The following ADGRV1 variants were observed in gnomAD, a reference collection of about 807,000 sequenced individuals.
ADGRV1 encodes the protein G-protein coupled receptor 98.
A neutral mutation model predicts 596.2 loss-of-function variants in ADGRV1; 359 were observed. The observed-to-expected ratio is 0.60, with a 90% confidence interval of 0.55 to 0.66. The LOEUF (loss-of-function observed/expected upper bound fraction) is 0.66, where lower values mean the gene tolerates loss of function less well. Among genes scored for constraint, ADGRV1 ranks in the 30% least tolerant of loss-of-function variants. The pLI is 0.00. For missense variants in ADGRV1, 7,274 were observed against 7,575.6 expected (o/e 0.96, Z 1.48); for synonymous variants, 2,681 against 2,679.2 (o/e 1.00, Z -0.02).
chr5:90,712,410 C>T lies in ADGRV1; in HGVS notation c.9166C>T (p.Leu3056=). The change falls in exon 42 of 90, where the codon CTA becomes TTA. Residue 3056 remains leucine, a synonymous_variant. Transcript: ENST00000405460. ...AACAAATCCTTCTCCTGGACTAGAGCTAGGGAAAAATACAATAGGTAATTA... is the reference window on the plus strand; with the variant it reads ...AACAAATCCTTCTCCTGGACTAGAGTTAGGGAAAAATACAATAGGTAATTA... ...ILTNPSPGLE[L]GKNTIALIIV... is the part of the protein sequence containing the mutation. 1 of 1,588,400 alleles carries T rather than the reference C, an allele frequency of 6.3e-7. No individual in the cohort carries two copies. The highest frequency in any genetic ancestry group is 8.6e-7 in the Non-Finnish European group (1 of 1,164,616).
At chr5:90,980,978 A>T (rs935957276) in intron 84 of ADGRV1, among the ~76,000 whole-genome samples, 3 of 152,204 alleles carry the variant, frequency 2.0e-5, no homozygotes, top group Non-Finnish European at 4.4e-5. Flanking sequence ...TCTCTGTGAG[A>T]TGTGAACCCT....
intron 1 of ADGRV1, among the ~76,000 whole-genome samples, chr5:90,595,734 G>A (rs377329736): frequency 0.059 from 8,114 of 136,712 alleles, 206 homozygotes; most frequent in Non-Finnish European, 0.08. Context: ...CAGTAGGGGC[G>A]GCCGGGCAGA....
At chr5:91,121,970 A>T (rs1380883772) in intron 87 of ADGRV1, among the ~76,000 whole-genome samples, 1 of 149,142 alleles carries the variant, frequency 6.7e-6, no homozygotes, top group African/African-American at 2.5e-5. Context: ...TAAAGAGAAG[A>T]AAAAAAAAAC....
intron 85 of ADGRV1, among the ~76,000 whole-genome samples, chr5:91,012,257 T>A (rs1782781539): frequency 6.6e-6 from 1 of 152,046 alleles, no homozygotes; most frequent in Non-Finnish European, 1.5e-5. Flanking sequence ...GGTCTACAAC[T>A]GTTAGACATT....
At chr5:90,739,345 A>C (rs1004200074) in intron 50 of ADGRV1, among the ~76,000 whole-genome samples, 1 of 152,034 alleles carries the variant, frequency 6.6e-6, no homozygotes, top group African/African-American at 2.4e-5. Context: ...TCTTTTGGTC[A>C]TATTTCCCTG....
chr5:90,688,507 C>T (rs1057158205), intron 29 of ADGRV1, among the ~76,000 whole-genome samples: 1 of 152,150 alleles, frequency 6.6e-6, no homozygotes, highest in South Asian at 2.1e-4. Context: ...AAGCGTGTGC[C>T]ACCATGCCCA....
Position 90,976,672 on chromosome 5 carries a change from T to C in ADGRV1, c.17974-8672T>C, listed in dbSNP as rs540625703. Among the ~76,000 whole-genome samples, 53 of 152,248 alleles carry C rather than the reference T, an allele frequency of 3.5e-4. 2 individuals are homozygous for C. The South Asian group carries it at 0.011, about 31-fold the overall frequency. On this transcript the variant is annotated intron_variant, in intron 84 of 89. Transcript: ENST00000405460. ...TAAATTGCAAGTAAATTATTTGAGA[T>C]ATTCATATATGATATAGGTAAGCAG...
At chr5:90,559,951 C>T (rs1754594634) in intron 1 of ADGRV1, among the ~76,000 whole-genome samples, 1 of 152,000 alleles carries the variant, frequency 6.6e-6, no homozygotes, top group African/African-American at 2.4e-5. Context: ...AAATGAGCAC[C>T]AATAATTTAT....
Position 90,756,451 on chromosome 5 carries a change from C to CG in ADGRV1, c.11581-3_11581-2insG. 9 of 1,490,460 alleles carry CG rather than the reference C, an allele frequency of 6.0e-6. No homozygotes were observed. Among genetic ancestry groups the CG allele is most frequent in the Non-Finnish European group, 8.1e-6 (9 of 1,115,728 alleles). 92.3% of individuals were successfully genotyped at this position (1,490,460 alleles called of 1,614,324 possible). On this transcript the variant is annotated splice_region_variant and splice_polypyrimidine_tract_variant and intron_variant, in intron 55 of 89. Coordinates refer to ENST00000405460, the MANE Select transcript of ADGRV1 (RefSeq NM_032119.4). ...AACACCATCTTTTTCCCCCATCCCC[C>CG]AGGATGACCTTCCTGAATTGGAGGA...
chr5:90,724,641 T>C (rs1751522800), intron 45 of ADGRV1, among the ~76,000 whole-genome samples, 191 bp from the exon 46 acceptor site: 1 of 152,244 alleles, frequency 6.6e-6, no homozygotes, highest in African/African-American at 2.4e-5. Context: ...TTCTTATTTG[T>C]AGTACAAATT....
At chr5:90,901,935 G>T (rs79115766) in intron 83 of ADGRV1, among the ~76,000 whole-genome samples, 7,742 of 152,116 alleles carry the variant, frequency 0.051, 348 homozygotes, top group East Asian at 0.22. Flanking sequence ...GTGAATAGTG[G>T]CCTCTTGGGA....
At chr5:91,163,219 T>G (rs1797098483) in intron 89 of ADGRV1, among the ~76,000 whole-genome samples, 1 of 151,496 alleles carries the variant, frequency 6.6e-6, no homozygotes, top group Non-Finnish European at 1.5e-5. Flanking sequence ...GTGGATCTAT[T>G]TTGGCACTGT....
intron 59 of ADGRV1, among the ~76,000 whole-genome samples, chr5:90,765,090 C>T (rs1272106924): frequency 6.6e-6 from 1 of 152,138 alleles, no homozygotes; most frequent in African/African-American, 2.4e-5. Context: ...CCCTTTTCTA[C>T]ACCCTGCTTC....
At chr5:90,960,155 A>AAAG (rs1777888500) in intron 83 of ADGRV1, among the ~76,000 whole-genome samples, 2 of 146,172 alleles carry the variant, frequency 1.4e-5, no homozygotes, top group African/African-American at 5.2e-5. Flanking sequence ...AAAAAAAAAC[A>AAAG]AAAAACAGAT....
At chr5:90,815,054 G>A (rs893854280) in intron 74 of ADGRV1, among the ~76,000 whole-genome samples, 9 of 151,810 alleles carry the variant, frequency 5.9e-5, no homozygotes, top group Middle Eastern at 6.8e-3. Context: ...TTCTGATACC[G>A]AGATGCTCAG....
intron 64 of ADGRV1, chr5:90,781,168 T>G: frequency 2.2e-6 from 1 of 449,642 alleles, no homozygotes; most frequent in South Asian, 2.2e-5. Flanking sequence ...TTTATTATCT[T>G]CCCATTGCCC....
chr5:91,153,574 T>C (rs1386476090), intron 89 of ADGRV1, among the ~76,000 whole-genome samples, 176 bp downstream of exon 89: 1 of 152,190 alleles, frequency 6.6e-6, no homozygotes, highest in East Asian at 1.9e-4. Context: ...GCACCAAATG[T>C]AAGACAACCT....
intron 41 of ADGRV1, 102 bp from the exon 42 acceptor site, chr5:90,712,185 A>G (rs959285956): frequency 2.9e-5 from 19 of 653,854 alleles, no homozygotes; most frequent in Non-Finnish European, 4.1e-5. Flanking sequence ...AAAATAGCTT[A>G]TTCTTTACAT....
intron 76 of ADGRV1, among the ~76,000 whole-genome samples, chr5:90,826,899 A>G (rs1764121275): frequency 6.6e-6 from 1 of 152,146 alleles, no homozygotes. Context: ...GCCCAATTCA[A>G]TTACTGGGCC....
Sources: allele counts gnomAD v4.1 joint callset (sites outside exome capture counted in the v4.1 genomes callset), GRCh38; gene constraint gnomAD v4.1.1; transcripts MANE v1.5; gene names NCBI Gene and HGNC (gene_info 2026-07-23, HGNC 2026-07-21).